The following THEMIS variants were observed in gnomAD, a reference collection of about 807,000 sequenced individuals.
THEMIS encodes thymocyte selection associated.
THEMIS carries 37 observed loss-of-function variants against 52.6 expected under a neutral mutation model. The ratio of observed to expected loss-of-function variants is 0.70; its 90% CI spans 0.54 to 0.93. The LOEUF (loss-of-function observed/expected upper bound fraction) is 0.93, where lower values mean the gene tolerates loss of function less well. THEMIS is among the 40% of genes least tolerant of loss of function. THEMIS has a pLI of 0.00. For synonymous variants in THEMIS, 292 were observed against 272.7 expected, an observed-to-expected ratio of 1.07 and a Z score of -0.70; for missense variants, 808 against 763.1, an observed-to-expected ratio of 1.06 and a Z score of -0.69.
intron 1 of THEMIS, among the ~76,000 whole-genome samples, chr6:127,917,026 G>A (rs1006663712): frequency 6.6e-6 from 1 of 152,220 alleles, no homozygotes; most frequent in South Asian, 2.1e-4. Context: ...TTTTGCAAAA[G>A]CATTGATGTT....
the THEMIS span, among the ~76,000 whole-genome samples, chr6:127,703,035 G>GGTT: frequency 7.9e-4 from 65 of 82,346 alleles, 5 homozygotes; most frequent in South Asian, 1.8e-3. Context: ...TTTAGAATGA[G>GGTT]TTTTTTTTTT....
At chr6:127,867,437 C>A (rs1007962330) in intron 1 of THEMIS, among the ~76,000 whole-genome samples, 1 of 152,114 alleles carries the variant, frequency 6.6e-6, no homozygotes, top group Non-Finnish European at 1.5e-5. Context: ...CTTTCTTCAA[C>A]AGATCTCCCA....
At chr6:127,906,993 G>A (rs1781287406) in intron 1 of THEMIS, among the ~76,000 whole-genome samples, 2 of 151,700 alleles carry the variant, frequency 1.3e-5, no homozygotes, top group South Asian at 2.1e-4. Flanking sequence ...AGCTTCAGCA[G>A]TAGAGGCTTA....
chr6:127,897,658 T>C (rs529173848), intron 1 of THEMIS, among the ~76,000 whole-genome samples: 2 of 151,722 alleles, frequency 1.3e-5, no homozygotes, highest in African/African-American at 4.8e-5. Context: ...ACTAAGCATA[T>C]GAGTTAATTG....
At chr6:127,900,767 TC>T (rs992565009) in intron 1 of THEMIS, 74 bp downstream of exon 1, 102 of 1,263,622 alleles carry the variant, frequency 8.1e-5, no homozygotes, top group Non-Finnish European at 1.1e-4. Flanking sequence ...CTGTTAAAAT[TC>T]CCCCCCTCCA....
the THEMIS span, among the ~76,000 whole-genome samples, chr6:127,700,971 G>C: frequency 1.7e-4 from 26 of 152,122 alleles, no homozygotes; most frequent in African/African-American, 6.0e-4. Context: ...GGTACCCCAG[G>C]ATAAGTACTA....
chr6:127,792,064 AAG>A (rs1442129295), intron 4 of THEMIS, among the ~76,000 whole-genome samples: 2 of 152,086 alleles, frequency 1.3e-5, no homozygotes, highest in Non-Finnish European at 2.9e-5. Context: ...TCCAACTTGG[AAG>A]GGGGCATGGC....
At chr6:127,884,236 C>T (rs1479826056) in intron 1 of THEMIS, among the ~76,000 whole-genome samples, 1 of 152,098 alleles carries the variant, frequency 6.6e-6, no homozygotes, top group Non-Finnish European at 1.5e-5. Flanking sequence ...TCTTTGGGAC[C>T]CAAGTATTTC....
At chr6:127,738,444 TA>T (rs1775081819) in intron 4 of THEMIS, among the ~76,000 whole-genome samples, 1 of 152,212 alleles carries the variant, frequency 6.6e-6, no homozygotes, top group Admixed American at 6.5e-5. Flanking sequence ...TCTATCTTAT[TA>T]CAATAGCAAA....
intron 4 of THEMIS, among the ~76,000 whole-genome samples, chr6:127,742,440 G>A (rs1441851281): frequency 6.6e-6 from 1 of 151,012 alleles, no homozygotes; most frequent in Admixed American, 6.6e-5. Flanking sequence ...AAACCTAAAA[G>A]CAGAGACTCT....
intron 1 of THEMIS, chr6:127,868,492 C>G: frequency 4.1e-6 from 4 of 985,344 alleles, no homozygotes; most frequent in Non-Finnish European, 4.8e-6. Context: ...CACAAATGAA[C>G]TCTGGTGTGC....
At chr6:127,911,050 G>A (rs1781399729) in intron 1 of THEMIS, among the ~76,000 whole-genome samples, 1 of 151,670 alleles carries the variant, frequency 6.6e-6, no homozygotes, top group African/African-American at 2.4e-5. Context: ...CTTGGGTTAT[G>A]GGTTTGGGGA....
intron 3 of THEMIS, among the ~76,000 whole-genome samples, chr6:127,823,517 C>T (rs1778409275): frequency 6.6e-6 from 1 of 152,106 alleles, no homozygotes; most frequent in South Asian, 2.1e-4. Flanking sequence ...TTTATTCATT[C>T]TTTCATGTAC....
upstream of THEMIS, among the ~76,000 whole-genome samples, chr6:127,904,471 C>G (rs62426473): frequency 0.13 from 19,706 of 152,046 alleles, 1,674 homozygotes; most frequent in East Asian, 0.38. Flanking sequence ...AAAACTGAAG[C>G]TTAGACTAAA....
intron 2 of THEMIS, among the ~76,000 whole-genome samples, chr6:127,852,941 T>G (rs1029808965): frequency 6.6e-6 from 1 of 151,628 alleles, no homozygotes; most frequent in Admixed American, 6.6e-5. Flanking sequence ...ATCATGCTAA[T>G]TGGAAGTTCA....
intron 1 of THEMIS, among the ~76,000 whole-genome samples, chr6:127,877,443 T>C (rs1280828837): frequency 6.6e-6 from 1 of 152,186 alleles, no homozygotes; most frequent in Admixed American, 6.6e-5. Flanking sequence ...TAGCTTTTGA[T>C]TGAAAGTGAG....
At chr6:127,868,544 T>G in intron 1 of THEMIS, 1 of 886,060 alleles carries the variant, frequency 1.1e-6, no homozygotes, top group Non-Finnish European at 1.4e-6. Flanking sequence ...GAATTTCTCA[T>G]TGCTTAAAGT....
Position 127,901,049 on chromosome 6 carries a change from G to T in THEMIS, c.-117C>A. On this transcript the variant is annotated 5_prime_UTR_variant, in exon 1 of 6. Transcript: ENST00000368248. ...ATTTCTTCCTCAGGCAGGCAGGAAT[G>T]TCACACTACAGCCAGAGTGGGGTGG... The T allele has an allele frequency of 1.2e-6, 1 of 807,278 alleles. No individual in the cohort carries two copies. Among genetic ancestry groups the T allele is most frequent in the South Asian group, 1.5e-5 (1 of 67,106 alleles). 50.0% of individuals were successfully genotyped at this position (807,278 alleles called of 1,614,324 possible).
chr6:127,857,184 C>A (rs1015353510), intron 1 of THEMIS, among the ~76,000 whole-genome samples: 1 of 151,702 alleles, frequency 6.6e-6, no homozygotes, highest in South Asian at 2.1e-4. Flanking sequence ...ATTAAGCAGA[C>A]AATTGCAACA....
Sources: gnomAD v4.1 joint callset for allele counts (sites outside exome capture counted in the v4.1 genomes callset) on GRCh38, gnomAD v4.1.1 for gene constraint, MANE v1.5 for transcripts, NCBI Gene and HGNC (gene_info 2026-07-23, HGNC 2026-07-21) for gene names.